The following SLC24A4 variants were observed in gnomAD, a reference collection of about 807,000 sequenced individuals.
SLC24A4 encodes sodium/potassium/calcium exchanger 4.
SLC24A4 carries 53 observed loss-of-function variants against 79.0 expected under a neutral mutation model. That is an observed-to-expected ratio of 0.67 (90% CI 0.54 to 0.84). The LOEUF (loss-of-function observed/expected upper bound fraction) is 0.84. Among genes scored for constraint, SLC24A4 ranks in the 40% least tolerant of loss-of-function variants. SLC24A4 has a pLI of 0.00. For synonymous variants in SLC24A4, 323 were observed against 323.8 expected (o/e 1.00, Z 0.03); for missense variants, 731 against 822.0 (o/e 0.89, Z 1.35).
intron 12 of SLC24A4, among the ~76,000 whole-genome samples, chr14:92,462,931 C>G (rs1893897782): frequency 6.6e-6 from 1 of 152,154 alleles, no homozygotes. Flanking sequence ...ACTCTTTGCT[C>G]TTCTTTTCTT....
intron 2 of SLC24A4, among the ~76,000 whole-genome samples, chr14:92,407,328 ATCT>A (rs1890444121): frequency 1.3e-5 from 2 of 152,170 alleles, no homozygotes; most frequent in African/African-American, 4.8e-5. Context: ...ACTTTTCCAC[ATCT>A]TCTTGTCTTT....
At chr14:92,480,224 T>C (rs1366568804) in intron 12 of SLC24A4, among the ~76,000 whole-genome samples, 1 of 150,976 alleles carries the variant, frequency 6.6e-6, no homozygotes, top group Non-Finnish European at 1.5e-5. Flanking sequence ...TGGACTTCAT[T>C]TTCTTTTCTT....
intron 2 of SLC24A4, among the ~76,000 whole-genome samples, chr14:92,431,738 G>A (rs1025685060): frequency 3.9e-5 from 6 of 152,230 alleles, no homozygotes; most frequent in African/African-American, 1.4e-4. Flanking sequence ...AGCAAGGCGT[G>A]AGGCTGAACA....
At chr14:92,448,891 G>A (rs1042003097) in intron 9 of SLC24A4, among the ~76,000 whole-genome samples, 183 bp from the exon 10 acceptor site, 1 of 152,146 alleles carries the variant, frequency 6.6e-6, no homozygotes, top group Admixed American at 6.5e-5. Context: ...ACAACACAAT[G>A]CTCCCAGGTC....
At chr14:92,470,865 G>A (rs776917074) in intron 12 of SLC24A4, among the ~76,000 whole-genome samples, 28 of 152,220 alleles carry the variant, frequency 1.8e-4, no homozygotes, top group Admixed American at 5.9e-4. Flanking sequence ...AAGTTCACAT[G>A]GTGGCAGGTT....
At chr14:92,399,943 A>G (rs1890006618) in intron 2 of SLC24A4, among the ~76,000 whole-genome samples, 1 of 152,080 alleles carries the variant, frequency 6.6e-6, no homozygotes, top group Admixed American at 6.5e-5. Flanking sequence ...TCTGTCATCC[A>G]GGCTGGAATG....
At chr14:92,412,475 G>T (rs192961170) in intron 2 of SLC24A4, among the ~76,000 whole-genome samples, 1 of 152,186 alleles carries the variant, frequency 6.6e-6, no homozygotes, top group Non-Finnish European at 1.5e-5. Flanking sequence ...TAGCCTACTG[G>T]TGTGATCTGG....
chr14:92,406,238 G>A (rs1371839657), intron 2 of SLC24A4, among the ~76,000 whole-genome samples: 3 of 152,252 alleles, frequency 2.0e-5, no homozygotes, highest in Non-Finnish European at 4.4e-5. Context: ...ATGGCCTTGG[G>A]CAGCTCTGTC....
rs138465220 is a variant in SLC24A4, at chr14:92,354,840, G to A, written c.241+28862G>A. Among the ~76,000 whole-genome samples the A allele has an allele frequency of 4.9e-3, 750 of 152,246 alleles. 8 individuals carry two copies. Among genetic ancestry groups the A allele is most frequent in the African/African-American group, 0.017 (692 of 41,534 alleles). ...TGTAATCCCAGCACTTTGGGAGGCCGAGGTGGGCGGATTGAATGAGGCCAA... is the reference window on the plus strand; with the variant it reads ...TGTAATCCCAGCACTTTGGGAGGCCAAGGTGGGCGGATTGAATGAGGCCAA... On this transcript the variant is annotated intron_variant, in intron 2 of 16. Transcript: ENST00000532405.
In SLC24A4 at chr14:92,323,692, CA is replaced by C; in HGVS notation, c.-138del. ...TCCCCCGCCGACCTCGCCCTCGGGCCATGAGGCTTTGGCCCGGAGCTCCTCG... is the reference window on the plus strand; with the variant it reads ...TCCCCCGCCGACCTCGCCCTCGGGCCTGAGGCTTTGGCCCGGAGCTCCTCG... On this transcript the variant is annotated 5_prime_UTR_variant, in exon 1 of 17. It removes an upstream start codon present in the reference 5' UTR. Coordinates refer to ENST00000532405, the MANE Select transcript of SLC24A4 (RefSeq NM_153646.4). The surrounding 1 kb of genome is among the most constrained non-coding windows in gnomAD (Gnocchi z 4.9). The C allele has an allele frequency of 8.8e-7, 1 of 1,133,030 alleles. No individual in the cohort carries two copies. The highest frequency in any genetic ancestry group is 1.2e-6 in the Non-Finnish European group (1 of 834,388). The allele number at this position is 1,133,030 out of a possible 1,614,324, so 70.2% of individuals were successfully genotyped here. A position where few individuals can be genotyped will look rare whatever the true frequency, so the allele number is the denominator to read the frequency against.
intron 3 of SLC24A4, 146 bp from the exon 4 acceptor site, chr14:92,439,189 G>A: frequency 4.8e-6 from 3 of 629,288 alleles, no homozygotes; most frequent in Middle Eastern, 3.3e-4. Context: ...TTGAGGGAAC[G>A]AAATCTATGG....
At chr14:92,457,201 A>C in intron 12 of SLC24A4, 1 of 154,862 alleles carries the variant, frequency 6.5e-6, no homozygotes, top group Non-Finnish European at 1.4e-5. Flanking sequence ...CTGACTGCCG[A>C]CTCCTGCTGA....
chr14:92,420,798 G>A (rs1891232733), intron 2 of SLC24A4, among the ~76,000 whole-genome samples: 1 of 146,266 alleles, frequency 6.8e-6, no homozygotes, highest in Non-Finnish European at 1.5e-5. Context: ...AATACCCACG[G>A]TGGGCATGGG....
chr14:92,382,765 C>G (rs1312468536), intron 2 of SLC24A4, among the ~76,000 whole-genome samples: 1 of 152,222 alleles, frequency 6.6e-6, no homozygotes, highest in Non-Finnish European at 1.5e-5. Context: ...TAGAGAAATT[C>G]TTGGAGAAAA....
intron 10 of SLC24A4, chr14:92,453,656 C>A (rs775143524): frequency 4.8e-5 from 21 of 441,296 alleles, no homozygotes; most frequent in Non-Finnish European, 5.2e-5. Flanking sequence ...CAATTGCCCA[C>A]GAGTGGTCCT....
chr14:92,433,109 C>A lies in SLC24A4; in HGVS notation c.242-803C>A, dbSNP rs575197959. Among the ~76,000 whole-genome samples the A allele has an allele frequency of 1.5e-4, 23 of 152,062 alleles. 1 individual carries two copies. The highest frequency in any genetic ancestry group is 1.4e-3 in the Admixed American group (22 of 15,266). ...AATGGTGACCAGGGAAGTGTGGATC[C>A]TTGCCTTCCAGAAGCTTCCAGTTTA... On this transcript the variant is annotated intron_variant, in intron 2 of 16. Coordinates refer to ENST00000532405, the MANE Select transcript of SLC24A4 (RefSeq NM_153646.4).
intron 12 of SLC24A4, among the ~76,000 whole-genome samples, chr14:92,463,050 G>T (rs1484649454): frequency 6.6e-6 from 1 of 152,120 alleles, no homozygotes; most frequent in Non-Finnish European, 1.5e-5. Context: ...TGTTGAATTG[G>T]GTTGAATTAA....
chr14:92,492,024 A>T, intron 15 of SLC24A4, 151 bp from the exon 16 acceptor site: 1 of 753,362 alleles, frequency 1.3e-6, no homozygotes, highest in Non-Finnish European at 2.2e-6. Context: ...TTGAATCCGT[A>T]TTTTCCTGAC....
intron 2 of SLC24A4, among the ~76,000 whole-genome samples, chr14:92,391,792 CAGCCCA>C (rs1228721760): frequency 1.3e-5 from 2 of 152,254 alleles, no homozygotes; most frequent in Non-Finnish European, 2.9e-5. Flanking sequence ...ATGCTCTGAG[CAGCCCA>C]GGTCATGTGG....
Sources: allele counts gnomAD v4.1 joint callset (sites outside exome capture counted in the v4.1 genomes callset), GRCh38; gene constraint gnomAD v4.1.1; non-coding constraint Gnocchi (gnomAD v3.1); transcripts MANE v1.5; gene names NCBI Gene and HGNC (gene_info 2026-07-23, HGNC 2026-07-21).